TMEM127: variants seen among roughly 807,000 people sequenced by gnomAD.
TMEM127 encodes transmembrane protein 127.
Under a neutral mutation model 20.1 loss-of-function variants are expected in TMEM127, and 21 were observed. The ratio of observed to expected loss-of-function variants is 1.04; its 90% CI spans 0.74 to 1.50. TMEM127 has a LOEUF of 1.50. Ranked by LOEUF, TMEM127 falls within the 40% of genes most tolerant of loss-of-function variation. TMEM127 has a pLI of 0.00. For missense variants in TMEM127, 303 were observed against 317.4 expected (o/e 0.95, Z 0.34); for synonymous variants, 150 against 144.7 (o/e 1.04, Z -0.26).
Position 96,253,665 on chromosome 2 carries a change from G to T in TMEM127, c.*143C>A. The T allele has an allele frequency of 3.3e-6, 3 of 897,262 alleles. No homozygotes were observed. The highest frequency in any genetic ancestry group is 5.0e-6 in the Non-Finnish European group (3 of 601,318). The allele number at this position is 897,262 out of a possible 1,614,324, so 55.6% of individuals were successfully genotyped here. On this transcript the variant is annotated 3_prime_UTR_variant, in exon 4 of 4. Coordinates refer to ENST00000258439, the MANE Select transcript of TMEM127 (RefSeq NM_017849.4). This position sits in a 1 kb window ranked among gnomAD's most constrained non-coding sequence, Gnocchi z 4.3. ...CAGGGATACTTGGATGACCCTAAAG[G>T]CAGAGTCTCTCCTGGGGAAGGTTTG...
chr2:96,261,691 A>C (rs1342189395), intron 2 of TMEM127, among the ~76,000 whole-genome samples: 7 of 152,236 alleles, frequency 4.6e-5, no homozygotes. Flanking sequence ...GTGTTGCAGT[A>C]AGAGTATGGA....
intron 2 of TMEM127, among the ~76,000 whole-genome samples, chr2:96,259,336 T>TC (rs1684269929): frequency 6.6e-6 from 1 of 152,188 alleles, no homozygotes; most frequent in South Asian, 2.1e-4. Flanking sequence ...ATGATCAGGC[T>TC]CCCCTACACT....
rs1447680930 is a variant in TMEM127, at chr2:96,265,955, C to G, written c.-218G>C. 5.6e-6 allele frequency: 1 copy of G among 180,102 alleles called. No homozygotes were observed. Among genetic ancestry groups the G allele is most frequent in the African/African-American group, 2.3e-5 (1 of 42,608 alleles). 11.2% of individuals were successfully genotyped at this position (180,102 alleles called of 1,614,324 possible). A position where few individuals can be genotyped will look rare whatever the true frequency, so the allele number is the denominator to read the frequency against. ...CCGGGGGCCGAGCGTTCCCAGGCCC[C>G]AATCCCGCAACGCCCGGACAGACCC... On this transcript the variant is annotated 5_prime_UTR_variant, in exon 1 of 4. Coordinates refer to ENST00000258439, the MANE Select transcript of TMEM127 (RefSeq NM_017849.4).
intron 2 of TMEM127, among the ~76,000 whole-genome samples, chr2:96,259,076 T>C (rs565789821): frequency 6.6e-6 from 1 of 152,356 alleles, no homozygotes; most frequent in East Asian, 1.9e-4. Context: ...ATTTTACTAG[T>C]AAGGAGACAT....
Position 96,252,535 on chromosome 2 carries a change from G to A in TMEM127, c.*1273C>T, listed in dbSNP as rs1684114646. The A allele has an allele frequency of 4.3e-6, 1 of 233,816 alleles. No homozygotes were observed. Among genetic ancestry groups the A allele is most frequent in the South Asian group, 1.8e-4 (1 of 5,544 alleles). 14.5% of individuals were successfully genotyped at this position (233,816 alleles called of 1,614,324 possible). On this transcript the variant is annotated 3_prime_UTR_variant, in exon 4 of 4. Coordinates refer to ENST00000258439, the MANE Select transcript of TMEM127 (RefSeq NM_017849.4). This position sits in a 1 kb window ranked among gnomAD's most constrained non-coding sequence, Gnocchi z 4.2. The stretch of plus-strand genomic sequence containing the variant: ...GTCCCAGCAGCACACTGCAAGACCA[G>A]AGTACATTCAAGAGGGGAGAGGGCA...
intron 2 of TMEM127, among the ~76,000 whole-genome samples, chr2:96,263,105 G>A (rs1684344450): frequency 1.3e-5 from 2 of 150,732 alleles, no homozygotes; most frequent in South Asian, 2.1e-4. Context: ...AGGCTGGAGT[G>A]CAGTGGTGTG....
At chr2:96,261,734 G>T (rs1684314861) in intron 2 of TMEM127, among the ~76,000 whole-genome samples, 1 of 152,198 alleles carries the variant, frequency 6.6e-6, no homozygotes, top group Non-Finnish European at 1.5e-5. Context: ...GATTAGCTGA[G>T]CAAACTACCT....
At position 96,265,290 on chromosome 2, in the gene TMEM127, A is replaced by G; in HGVS notation, c.92T>C (p.Leu31Pro). 1 of 1,557,408 alleles carries G rather than the reference A, an allele frequency of 6.4e-7. No homozygotes were observed. Among genetic ancestry groups the G allele is most frequent in the Non-Finnish European group, 8.6e-7 (1 of 1,157,854 alleles). Residue 31 changes from leucine (L) to proline (P), a missense_variant, in exon 2 of 4, where the codon CTG (leucine) becomes CCG (proline). Physicochemically the swap from Leu to Pro is moderately conservative, Grantham distance 98 (BLOSUM62 -3). Transcript: ENST00000258439. ...SALPKQPERS[L>P]ASALPGALSI... ...CAGGGCGCCAGGCAGGGCCGAGGCC[A>G]GGCTACGCTCCGGCTGCTTGGGCAG... is the stretch of plus-strand genomic sequence containing the variant.
In TMEM127 at chr2:96,257,074, T is replaced by C. The variant is rs116493144; in HGVS notation, c.245-2077A>G. On this transcript the variant is annotated intron_variant, in intron 2 of 3. Transcript: ENST00000258439. ...CTCAAGGGGTTCCTGGGGGTCATGG[T>C]GCAGGGAGAGCCCATGACAACAACC... Among the ~76,000 whole-genome samples, 944 of 152,296 alleles carry C rather than the reference T, an allele frequency of 6.2e-3. 11 individuals are homozygous for C. Among genetic ancestry groups the C allele is most frequent in the African/African-American group, 0.021 (889 of 41,560 alleles).
intron 2 of TMEM127, among the ~76,000 whole-genome samples, chr2:96,262,186 G>A (rs1684323743): frequency 6.6e-6 from 1 of 151,930 alleles, no homozygotes; most frequent in Admixed American, 6.6e-5. Flanking sequence ...TTGAACCCGG[G>A]AGGCGGAGGT....
At position 96,253,564 on chromosome 2, in the gene TMEM127, G is replaced by C. The variant is rs1287070782; in HGVS notation, c.*244C>G. The stretch of plus-strand genomic sequence containing the variant: ...CCTTCCCTGGCTGGTAATGACTCGT[G>C]AATGTGAAGGGGGCAGGATGTGGCA... On this transcript the variant is annotated 3_prime_UTR_variant, in exon 4 of 4. Transcript: ENST00000258439. This position sits in a 1 kb window ranked among gnomAD's most constrained non-coding sequence, Gnocchi z 4.3. 7.5e-6 allele frequency: 4 copies of C among 533,140 alleles called. No individual in the cohort carries two copies. Among genetic ancestry groups the C allele is most frequent in the Non-Finnish European group, 1.3e-5 (4 of 301,438 alleles). 33.0% of individuals were successfully genotyped at this position (533,140 alleles called of 1,614,324 possible). A position where few individuals can be genotyped will look rare whatever the true frequency, so the allele number is the denominator to read the frequency against.
At chr2:96,263,473 C>T (rs966501213) in intron 2 of TMEM127, among the ~76,000 whole-genome samples, 1 of 152,090 alleles carries the variant, frequency 6.6e-6, no homozygotes, top group African/African-American at 2.4e-5. Flanking sequence ...AGCGATTCTC[C>T]TGCTTCAGCC....
chr2:96,250,071 G>A lies in TMEM127; in HGVS notation c.*3737C>T. On this transcript the variant is annotated 3_prime_UTR_variant, in exon 4 of 4. Coordinates refer to ENST00000258439, the MANE Select transcript of TMEM127 (RefSeq NM_017849.4). ...GTGACCGCCCTCTTCCCCTTTGGCA[G>A]GTCCTGTCTCCCACTTTCAACACCC... 1 of 233,278 alleles carries A rather than the reference G, an allele frequency of 4.3e-6. No individual in the cohort carries two copies. Among genetic ancestry groups the A allele is most frequent in the Admixed American group, 5.6e-5 (1 of 17,782 alleles). The allele number at this position is 233,278 out of a possible 1,614,324, so 14.5% of individuals were successfully genotyped here.
chr2:96,251,455 G>A lies in TMEM127; in HGVS notation c.*2353C>T. The A allele has an allele frequency of 4.7e-6, 1 of 210,650 alleles. No individual in the cohort carries two copies. Among genetic ancestry groups the A allele is most frequent in the East Asian group, 7.1e-5 (1 of 14,008 alleles). The allele number at this position is 210,650 out of a possible 1,614,324, so 13.0% of individuals were successfully genotyped here. On this transcript the variant is annotated 3_prime_UTR_variant, in exon 4 of 4. Transcript: ENST00000258439. Reference sequence around the variant, plus strand: ...TAATCGCTTGAACCCAGGAGGCAGAGGTTGCAGTGAGCTGAGATCATGCCA... The same window carrying A: ...TAATCGCTTGAACCCAGGAGGCAGAAGTTGCAGTGAGCTGAGATCATGCCA...
intron 2 of TMEM127, among the ~76,000 whole-genome samples, chr2:96,264,823 C>T (rs1684380462): frequency 6.6e-6 from 1 of 152,204 alleles, no homozygotes; most frequent in African/African-American, 2.4e-5. Context: ...TTCACAGGAT[C>T]CTTAGAAGAG....
Position 96,254,962 on chromosome 2 carries a change from G to T in TMEM127, c.280C>A (p.Arg94=), listed in dbSNP as rs121908824. The T allele has an allele frequency of 1.2e-6, 2 of 1,614,232 alleles. No homozygotes were observed. The highest frequency in any genetic ancestry group is 1.1e-5 in the South Asian group (1 of 91,084). The change falls in exon 3 of 4, where the codon CGG becomes AGG. Residue 94 remains arginine (R), a synonymous_variant. Coordinates refer to ENST00000258439, the MANE Select transcript of TMEM127 (RefSeq NM_017849.4). Reference sequence around the variant, plus strand: ...AGGAAACAGAAGGCGGCGATGACCCGCAGGAGCAGCACTGTCTGGGGATTC... The same window carrying T: ...AGGAAACAGAAGGCGGCGATGACCCTCAGGAGCAGCACTGTCTGGGGATTC... ...CMNPQTVLLL[R]VIAAFCFLGI... is the part of the protein sequence containing the mutation.
chr2:96,265,451 C>G lies in TMEM127; in HGVS notation c.-70G>C. The G allele has an allele frequency of 1.5e-6, 2 of 1,300,304 alleles. No homozygotes were observed. Among genetic ancestry groups the G allele is most frequent in the South Asian group, 4.8e-5 (2 of 41,252 alleles). The allele number at this position is 1,300,304 out of a possible 1,614,324, so 80.5% of individuals were successfully genotyped here. A position where few individuals can be genotyped will look rare whatever the true frequency, so the allele number is the denominator to read the frequency against. Reference sequence around the variant, plus strand: ...GCCGACCTCCGCGGGGCGCGCAGAGCCTGACAGTCCGGTGGAGGATAGCAA... The same window carrying G: ...GCCGACCTCCGCGGGGCGCGCAGAGGCTGACAGTCCGGTGGAGGATAGCAA... On this transcript the variant is annotated 5_prime_UTR_variant, in exon 2 of 4. Coordinates refer to ENST00000258439, the MANE Select transcript of TMEM127 (RefSeq NM_017849.4).
chr2:96,265,359 C>A lies in TMEM127; in HGVS notation c.23G>T (p.Gly8Val), dbSNP rs1573978044. 3 of 1,485,434 alleles carry A rather than the reference C, an allele frequency of 2.0e-6. No homozygotes were observed. The highest frequency in any genetic ancestry group is 2.7e-6 in the Non-Finnish European group (3 of 1,124,682). The allele number at this position is 1,485,434 out of a possible 1,614,324, so 92.0% of individuals were successfully genotyped here. A position where few individuals can be genotyped will look rare whatever the true frequency, so the allele number is the denominator to read the frequency against. MYAPGGA[G>V]LPGGRRRRSP... ...CCTCCGCCGGCGCCCGCCGGGCAGCCCTGCGCCTCCGGGGGCGTACATGCC... is the reference window on the plus strand; with the variant it reads ...CCTCCGCCGGCGCCCGCCGGGCAGCACTGCGCCTCCGGGGGCGTACATGCC... The change falls in exon 2 of 4, where the codon GGG becomes GTG. Residue 8 changes from glycine (G) to valine (V), a missense_variant. Coordinates refer to ENST00000258439, the MANE Select transcript of TMEM127 (RefSeq NM_017849.4).
At position 96,264,487 on chromosome 2, in the gene TMEM127, T is replaced by G. The variant is rs947220075; in HGVS notation, c.244+651A>C. On this transcript the variant is annotated intron_variant, in intron 2 of 3. Transcript: ENST00000258439. ...TGTCCTCACACTTCACAATTTTTACTGGAGACAAGAATGGGCAGGATAAAC... is the reference window on the plus strand; with the variant it reads ...TGTCCTCACACTTCACAATTTTTACGGGAGACAAGAATGGGCAGGATAAAC... Among the ~76,000 whole-genome samples the G allele has an allele frequency of 3.3e-5, 5 of 152,186 alleles. No individual in the cohort carries two copies. The East Asian group carries it at 9.6e-4, about 29-fold the overall frequency.
Sources: gnomAD v4.1 joint callset for allele counts (sites outside exome capture counted in the v4.1 genomes callset) on GRCh38, gnomAD v4.1.1 for gene constraint, Gnocchi (gnomAD v3.1) non-coding constraint, MANE v1.5 for transcripts, NCBI Gene and HGNC (gene_info 2026-07-23, HGNC 2026-07-21) for gene names.